Variants in CFAP70 observed in about 807,000 individuals in gnomAD.
CFAP70 encodes cilia and flagella associated protein 70.
A neutral mutation model predicts 137.6 loss-of-function variants in CFAP70; 81 were observed. That is an observed-to-expected ratio of 0.59 (90% CI 0.49 to 0.71). CFAP70 has a LOEUF of 0.71. Ranked by LOEUF, CFAP70 falls within the 30% of genes least tolerant of loss-of-function variation. The pLI, the probability that CFAP70 is intolerant of heterozygous loss-of-function variation, is 0.00. For synonymous variants in CFAP70, 382 were observed against 423.6 expected, an observed-to-expected ratio of 0.90 and a Z score of 1.20; for missense variants, 976 against 1,226.7, an observed-to-expected ratio of 0.80 and a Z score of 3.05.
chr10:73,340,561 C>G (rs1286538487), intron 6 of CFAP70, among the ~76,000 whole-genome samples: 1 of 152,238 alleles, frequency 6.6e-6, no homozygotes, highest in African/African-American at 2.4e-5. Context: ...GCCTGTCTGC[C>G]TCCTGCTGCC....
intron 5 of CFAP70, among the ~76,000 whole-genome samples, chr10:73,344,846 T>G (rs1475544542): frequency 6.6e-6 from 1 of 151,948 alleles, no homozygotes; most frequent in Non-Finnish European, 1.5e-5. Context: ...CCACCATATA[T>G]TTATATAAAT....
At chr10:73,263,397 T>C (rs998692912) in intron 25 of CFAP70, among the ~76,000 whole-genome samples, 3 of 152,236 alleles carry the variant, frequency 2.0e-5, no homozygotes, top group East Asian at 1.9e-4. Flanking sequence ...AATGTCTTTA[T>C]GAGAAAATAA....
intron 24 of CFAP70, 91 bp downstream of exon 25, chr10:73,272,837 A>G (rs1031490520): frequency 5.3e-6 from 6 of 1,131,224 alleles, no homozygotes; most frequent in Admixed American, 4.0e-5. Flanking sequence ...TGCTATTCCA[A>G]TGTCATCACA....
upstream of CFAP70, among the ~76,000 whole-genome samples, chr10:73,359,221 A>G (rs752286664): frequency 1.4e-4 from 21 of 152,244 alleles, no homozygotes; most frequent in Non-Finnish European, 2.8e-4. Flanking sequence ...TGATGTTAAT[A>G]CAAATTTTTA....
intron 24 of CFAP70, among the ~76,000 whole-genome samples, chr10:73,270,776 T>A (rs2046240954): frequency 6.6e-6 from 1 of 151,266 alleles, no homozygotes; most frequent in South Asian, 2.1e-4. Context: ...CCTCAAGTGA[T>A]CTGCCCACCT....
intron 21 of CFAP70, chr10:73,276,937 AC>A (rs2046801677): frequency 5.1e-6 from 1 of 195,572 alleles, no homozygotes; most frequent in Admixed American, 5.7e-5. Flanking sequence ...GCTCCTGTGA[AC>A]CCCCAACACT....
intron 11 of CFAP70, 64 bp downstream of exon 12, chr10:73,311,770 A>T: frequency 8.0e-7 from 1 of 1,244,134 alleles, no homozygotes; most frequent in East Asian, 2.3e-5. Flanking sequence ...TCCATTGAAA[A>T]TGCCTTGCTT....
At chr10:73,323,701 T>C (rs7897545) in intron 8 of CFAP70, among the ~76,000 whole-genome samples, 23,359 of 152,212 alleles carry the variant, frequency 0.15, 2,943 homozygotes, top group African/African-American at 0.32. Flanking sequence ...GAGGGTCCTA[T>C]GCCCATGGAG....
At position 73,323,136 on chromosome 10, in the gene CFAP70, C is replaced by T. The variant is rs376037962; in HGVS notation, c.778-39G>A. 34 of 1,563,184 alleles carry T rather than the reference C, an allele frequency of 2.2e-5. No homozygotes were observed. In the African/African-American group the frequency reaches 4.5e-4, roughly 21 times the overall value. ...ACCAGAGAGTTGTTAGTGCTATAAG[C>T]AATGTAATATAAGGTATGGAGCTCT... is the stretch of plus-strand genomic sequence containing the variant. On this transcript the variant is annotated intron_variant, in intron 8 of 26. Coordinates refer to ENST00000310715, the Ensembl canonical transcript of CFAP70.
chr10:73,297,347 C>G (rs2048620177), intron 14 of CFAP70, among the ~76,000 whole-genome samples, 174 bp from the exon 16 acceptor site: 1 of 152,196 alleles, frequency 6.6e-6, no homozygotes, highest in Non-Finnish European at 1.5e-5. Flanking sequence ...TCAACATACT[C>G]TGTATGATTT....
intron 26 of CFAP70, 132 bp downstream of exon 27, chr10:73,256,237 T>C: frequency 2.0e-6 from 2 of 990,802 alleles, no homozygotes; most frequent in South Asian, 3.1e-5. Context: ...CCCACGATAA[T>C]GGCAAAGATG....
chr10:73,278,454 G>T, intron 19 of CFAP70, 117 bp from the exon 21 acceptor site: 1 of 771,044 alleles, frequency 1.3e-6, no homozygotes, highest in Non-Finnish European at 2.0e-6. Flanking sequence ...ATTTCATGAA[G>T]GACAGACTTG....
chr10:73,341,330 T>C (rs973782623), intron 6 of CFAP70, 69 bp downstream of exon 7: 5 of 1,366,984 alleles, frequency 3.7e-6, no homozygotes, highest in Admixed American at 4.6e-5. Flanking sequence ...ATTACAGTAA[T>C]TCACAAAATG....
intron 24 of CFAP70, among the ~76,000 whole-genome samples, chr10:73,272,581 GTCAA>G (rs1030621629): frequency 6.6e-5 from 10 of 152,146 alleles, no homozygotes; most frequent in African/African-American, 2.4e-4. Context: ...CTTAGTAAGT[GTCAA>G]TCAATTTCTT....
intron 14 of CFAP70, among the ~76,000 whole-genome samples, chr10:73,297,470 C>A (rs1281146025): frequency 6.6e-6 from 1 of 152,094 alleles, no homozygotes; most frequent in Admixed American, 6.5e-5. Flanking sequence ...GGCATTATGT[C>A]TCTCATGGTG....
intron 1 of CFAP70, 133 bp from the exon 2 acceptor site, chr10:73,354,968 A>C: frequency 1.7e-6 from 1 of 604,596 alleles, no homozygotes; most frequent in East Asian, 2.8e-5. Flanking sequence ...CCCATATCCA[A>C]CCTTTGCTGT....
chr10:73,279,217 TATCA>T (rs1336737916), intron 19 of CFAP70: 3 of 151,616 alleles, frequency 2.0e-5, no homozygotes, highest in Non-Finnish European at 4.4e-5. Flanking sequence ...AAATACTATA[TATCA>T]ATTAAAAAAA....
chr10:73,295,275 T>G (rs2048451024), intron 15 of CFAP70: 1 of 150,962 alleles, frequency 6.6e-6, no homozygotes, highest in African/African-American at 2.4e-5. Flanking sequence ...ATGATTGCAC[T>G]GCTGCACTCC....
intron 6 of CFAP70, among the ~76,000 whole-genome samples, chr10:73,338,103 A>C (rs2052863522): frequency 6.6e-6 from 1 of 151,626 alleles, no homozygotes; most frequent in Admixed American, 6.6e-5. Flanking sequence ...CCCTTGAACA[A>C]CACAATTTGA....
Sources: gnomAD v4.1 joint callset for allele counts (sites outside exome capture counted in the v4.1 genomes callset) on GRCh38, gnomAD v4.1.1 for gene constraint, MANE v1.5 for transcripts, NCBI Gene and HGNC (gene_info 2026-07-23, HGNC 2026-07-21) for gene names.